The following TGM3 variants were observed in gnomAD, a reference collection of about 807,000 sequenced individuals.
TGM3 encodes the protein protein-glutamine gamma-glutamyltransferase E.
In TGM3, 52 loss-of-function variants were observed where a neutral mutation model predicts 73.8. That is an observed-to-expected ratio of 0.70 (90% CI 0.56 to 0.89). The LOEUF (loss-of-function observed/expected upper bound fraction) is 0.89, where lower values mean the gene tolerates loss of function less well. TGM3 is among the 40% of genes least tolerant of loss of function. The pLI, the probability that TGM3 is intolerant of heterozygous loss-of-function variation, is 0.00. For synonymous variants in TGM3, 372 were observed against 354.9 expected (o/e 1.05, Z -0.54); for missense variants, 928 against 909.9 (o/e 1.02, Z -0.26).
At position 2,310,430 on chromosome 20, in the gene TGM3, C is replaced by A. The variant is rs1457712103; in HGVS notation, c.421+13C>A. 6.2e-7 allele frequency: 1 copy of A among 1,613,458 alleles called. No individual in the cohort carries two copies. Among genetic ancestry groups the A allele is most frequent in the Non-Finnish European group, 8.5e-7 (1 of 1,179,642 alleles). ...CCCTGGCTGAATGGTAGGTGTCTAG[C>A]CACCCACACTCTCAGCCCTGGCCTA... On this transcript the variant is annotated intron_variant, in intron 3 of 12. Coordinates refer to ENST00000381458, the MANE Select transcript of TGM3 (RefSeq NM_003245.4).
At chr20:2,313,673 A>G (rs1368032303) in intron 5 of TGM3, among the ~76,000 whole-genome samples, 1 of 152,166 alleles carries the variant, frequency 6.6e-6, no homozygotes, top group African/African-American at 2.4e-5. Flanking sequence ...TCTCAGACAC[A>G]CACACACACG....
intron 12 of TGM3, among the ~76,000 whole-genome samples, 192 bp from the exon 13 acceptor site, chr20:2,340,242 C>T (rs45565932): frequency 7.2e-5 from 11 of 152,278 alleles, no homozygotes; most frequent in African/African-American, 2.6e-4. Flanking sequence ...TGGGACCCCC[C>T]CCTCCTGCTT....
chr20:2,336,055 T>C (rs1040918272), intron 11 of TGM3, among the ~76,000 whole-genome samples: 3 of 152,238 alleles, frequency 2.0e-5, no homozygotes, highest in Non-Finnish European at 4.4e-5. Context: ...TAGGGCTTCC[T>C]TTACTTTGCA....
At chr20:2,297,494 G>T (rs1309617524) in intron 1 of TGM3, among the ~76,000 whole-genome samples, 1 of 152,126 alleles carries the variant, frequency 6.6e-6, no homozygotes, top group Non-Finnish European at 1.5e-5. Context: ...CACGTGCCCA[G>T]CCCCCAGGAA....
intron 1 of TGM3, among the ~76,000 whole-genome samples, chr20:2,307,500 T>C (rs2084182160): frequency 6.6e-6 from 1 of 152,194 alleles, no homozygotes; most frequent in Non-Finnish European, 1.5e-5. Context: ...GGCAAAATTC[T>C]CTCTCCTTTC....
chr20:2,301,838 C>T (rs1473386344), intron 1 of TGM3, among the ~76,000 whole-genome samples: 1 of 152,128 alleles, frequency 6.6e-6, no homozygotes, highest in Admixed American at 6.5e-5. Flanking sequence ...GTAGCTGGAA[C>T]TACAGGCATG....
At chr20:2,319,093 A>G (rs1236935286) in intron 7 of TGM3, among the ~76,000 whole-genome samples, 3 of 152,178 alleles carry the variant, frequency 2.0e-5, no homozygotes, top group Non-Finnish European at 4.4e-5. Context: ...TTGTTTTCCA[A>G]CTTCTCATGA....
At chr20:2,298,674 C>T (rs967401677) in intron 1 of TGM3, among the ~76,000 whole-genome samples, 1 of 152,206 alleles carries the variant, frequency 6.6e-6, no homozygotes, top group Non-Finnish European at 1.5e-5. Flanking sequence ...GCTGGGACAC[C>T]AGTCGCCCCT....
intron 1 of TGM3, among the ~76,000 whole-genome samples, chr20:2,308,898 A>T (rs1206410937): frequency 1.4e-5 from 2 of 145,312 alleles, no homozygotes; most frequent in African/African-American, 5.2e-5. Context: ...TTTTTTTGAG[A>T]CAGAGTTTTG....
chr20:2,326,019 T>C, intron 8 of TGM3, 67 bp downstream of exon 8: 1 of 1,471,944 alleles, frequency 6.8e-7, no homozygotes, highest in Non-Finnish European at 9.3e-7. Context: ...GACAGCAGCA[T>C]AGGGAAGTAA....
At chr20:2,319,247 C>T (rs1028265490) in intron 7 of TGM3, among the ~76,000 whole-genome samples, 1 of 152,124 alleles carries the variant, frequency 6.6e-6, no homozygotes, top group African/African-American at 2.4e-5. Context: ...GTTGGGGGTC[C>T]CCTCGGCATA....
At chr20:2,304,007 G>A (rs1037438541) in intron 1 of TGM3, among the ~76,000 whole-genome samples, 6 of 152,220 alleles carry the variant, frequency 3.9e-5, no homozygotes, top group African/African-American at 7.2e-5. Context: ...ACGTTGATGA[G>A]TCAGTTATAA....
intron 4 of TGM3, 21 bp from the exon 5 acceptor site, chr20:2,312,877 G>C: frequency 1.2e-6 from 2 of 1,613,760 alleles, no homozygotes; most frequent in Non-Finnish European, 1.7e-6. Flanking sequence ...TAATTGTAAT[G>C]TATGGTCTCG....
At chr20:2,307,459 G>C (rs138286179) in intron 1 of TGM3, among the ~76,000 whole-genome samples, 1 of 152,130 alleles carries the variant, frequency 6.6e-6, no homozygotes, top group Non-Finnish European at 1.5e-5. Context: ...CCTTCCCACT[G>C]TCTAGAATGC....
At chr20:2,315,040 A>C (rs1347914692) in intron 5 of TGM3, among the ~76,000 whole-genome samples, 3 of 152,164 alleles carry the variant, frequency 2.0e-5, no homozygotes, top group African/African-American at 7.2e-5. Context: ...GAGGGAGAGT[A>C]TGGAGAGGAA....
At chr20:2,305,843 A>G (rs2084174033) in intron 1 of TGM3, among the ~76,000 whole-genome samples, 3 of 152,236 alleles carry the variant, frequency 2.0e-5, no homozygotes, top group African/African-American at 7.2e-5. Context: ...GGACGTCTAC[A>G]AGTGCCTGCC....
Position 2,319,453 on chromosome 20 carries a change from G to A in TGM3, c.983+1968G>A, listed in dbSNP as rs925473679. Reference sequence around the variant, plus strand: ...ACTGAGACAGGGATACCAGGAACTCGGAGGAAATCCTCAAGGAAGGCGTCC... The same window carrying A: ...ACTGAGACAGGGATACCAGGAACTCAGAGGAAATCCTCAAGGAAGGCGTCC... On this transcript the variant is annotated intron_variant, in intron 7 of 12. Coordinates refer to ENST00000381458, the MANE Select transcript of TGM3 (RefSeq NM_003245.4). Among the ~76,000 whole-genome samples the A allele has an allele frequency of 1.1e-4, 16 of 152,286 alleles. 1 individual carries two copies. The highest frequency in any genetic ancestry group is 6.8e-3 in the Middle Eastern group (2 of 294).
At chr20:2,302,258 A>G (rs936527059) in intron 1 of TGM3, among the ~76,000 whole-genome samples, 15 of 152,156 alleles carry the variant, frequency 9.9e-5, no homozygotes, top group African/African-American at 1.4e-4. Context: ...AGGTGATTCA[A>G]TTATACAGCC....
intron 9 of TGM3, among the ~76,000 whole-genome samples, chr20:2,330,671 A>G (rs1020213289): frequency 3.9e-5 from 6 of 152,192 alleles, no homozygotes; most frequent in Admixed American, 3.9e-4. Flanking sequence ...AATCACATGT[A>G]ATTTATGGGA....
Sources: allele counts gnomAD v4.1 joint callset (sites outside exome capture counted in the v4.1 genomes callset), GRCh38; gene constraint gnomAD v4.1.1; transcripts MANE v1.5; gene names NCBI Gene and HGNC (gene_info 2026-07-23, HGNC 2026-07-21).